Variants in ERBIN observed in about 807,000 individuals in gnomAD.
ERBIN encodes the protein erbb2 interacting protein, also known as densin-180-like protein.
In ERBIN, 60 loss-of-function variants were observed where a neutral mutation model predicts 158.4. The observed-to-expected ratio is 0.38, with a 90% CI of 0.31 to 0.47. The LOEUF (loss-of-function observed/expected upper bound fraction) is 0.47, where lower values mean the gene tolerates loss of function less well. Among genes scored for constraint, ERBIN ranks in the 20% least tolerant of loss-of-function variants. The pLI is 0.99. For missense variants in ERBIN, 1,610 were observed against 1,648.0 expected (o/e 0.98, Z 0.40); for synonymous variants, 594 against 557.2 (o/e 1.07, Z -0.93).
At chr5:65,979,361 A>G (rs1355369558) in intron 1 of ERBIN, among the ~76,000 whole-genome samples, 2 of 152,154 alleles carry the variant, frequency 1.3e-5, no homozygotes, top group African/African-American at 4.8e-5. Flanking sequence ...TGGGAGGTTG[A>G]GGCTGCAGTG....
intron 1 of ERBIN, among the ~76,000 whole-genome samples, chr5:65,976,257 T>C (rs1749840388): frequency 6.6e-6 from 1 of 152,206 alleles, no homozygotes; most frequent in Non-Finnish European, 1.5e-5. Flanking sequence ...TTGGATCACT[T>C]GAGGCCAGGA....
chr5:65,977,140 G>A (rs1580222865), intron 1 of ERBIN, among the ~76,000 whole-genome samples: 1 of 149,954 alleles, frequency 6.7e-6, no homozygotes, highest in Admixed American at 6.6e-5. Flanking sequence ...CTGGCCGGGC[G>A]GGGGGCTGAC....
intron 10 of ERBIN, chr5:66,025,196 G>A: frequency 2.7e-6 from 1 of 376,036 alleles, no homozygotes; most frequent in Non-Finnish European, 4.8e-6. Context: ...TAGAAGCAGA[G>A]CTACAACAGT....
chr5:65,962,912 T>C (rs1317584187), intron 1 of ERBIN, among the ~76,000 whole-genome samples: 1 of 152,232 alleles, frequency 6.6e-6, no homozygotes, highest in African/African-American at 2.4e-5. Context: ...TTTTGATTTG[T>C]AATTCTTACA....
intron 6 of ERBIN, 25 bp downstream of exon 6, chr5:66,013,663 G>T (rs771736885): frequency 4.8e-6 from 7 of 1,470,744 alleles, no homozygotes; most frequent in Non-Finnish European, 6.7e-6. Context: ...CTTCTAAAAC[G>T]TTTTATTATT....
chr5:66,001,900 A>G (rs540474908), intron 4 of ERBIN, among the ~76,000 whole-genome samples: 2 of 152,210 alleles, frequency 1.3e-5, no homozygotes, highest in African/African-American at 4.8e-5. Context: ...GCACCTATCA[A>G]CCCGTCATCT....
chr5:65,939,304 G>A (rs953241417), intron 1 of ERBIN, among the ~76,000 whole-genome samples: 1 of 152,128 alleles, frequency 6.6e-6, no homozygotes, highest in Non-Finnish European at 1.5e-5. Context: ...GAGTGTGGTG[G>A]CGTGTGCCTG....
intron 1 of ERBIN, among the ~76,000 whole-genome samples, chr5:65,932,491 A>G (rs193018982): frequency 7.9e-5 from 12 of 152,300 alleles, no homozygotes; most frequent in African/African-American, 2.9e-4. Context: ...GAAAAGGGAA[A>G]AATGACATTT....
rs3900823 is a variant in ERBIN at position 65,980,878 on chromosome 5, C to T, written c.-57-7757C>T. ...ATAGTTAAGAGATGCCTATACTTTT[C>T]GATAACTTACAGAAAAAGCCATAAA... is the stretch of plus-strand genomic sequence containing the variant. On this transcript the variant is annotated intron_variant, in intron 1 of 25. Transcript: ENST00000284037. Among the ~76,000 whole-genome samples, 6 of 152,208 alleles carry T rather than the reference C, an allele frequency of 3.9e-5. No individual in the cohort carries two copies. In the South Asian group the frequency reaches 8.3e-4, roughly 21 times the overall value.
At chr5:66,072,828 TTTC>T (rs1465315491) in intron 22 of ERBIN, among the ~76,000 whole-genome samples, 1 of 152,178 alleles carries the variant, frequency 6.6e-6, no homozygotes, top group African/African-American at 2.4e-5. Context: ...TCAACTATTT[TTTC>T]TTATTTTCTT....
intron 22 of ERBIN, among the ~76,000 whole-genome samples, chr5:66,073,033 G>A (rs1032551159): frequency 3.3e-5 from 5 of 152,004 alleles, no homozygotes; most frequent in African/African-American, 1.2e-4. Context: ...TTTTAATTGA[G>A]CTTTGTCATC....
intron 4 of ERBIN, among the ~76,000 whole-genome samples, chr5:65,997,432 C>G (rs1414663240): frequency 6.6e-6 from 1 of 151,962 alleles, no homozygotes; most frequent in South Asian, 2.1e-4. Flanking sequence ...GCCAGGTAGT[C>G]TTGTTTAGTA....
In ERBIN at chr5:66,014,724, A is replaced by G. The variant is rs1295148511; in HGVS notation, c.532A>G (p.Lys178Glu). The G allele has an allele frequency of 1.4e-6, 2 of 1,416,400 alleles. No homozygotes were observed. The highest frequency in any genetic ancestry group is 1.9e-6 in the Non-Finnish European group (2 of 1,043,878). The allele number at this position is 1,416,400 out of a possible 1,614,324, so 87.7% of individuals were successfully genotyped here. ...AGAAAACCAGTTAAAAATGTTGCCTAAGTAAGTAAAGGTGCTATTCTTTAA... is the reference window on the plus strand; with the variant it reads ...AGAAAACCAGTTAAAAATGTTGCCTGAGTAAGTAAAGGTGCTATTCTTTAA... ...LRENQLKMLPKTMNRLTQLER... is the reference protein window; with the variant it reads ...LRENQLKMLPETMNRLTQLER... The change falls in exon 7 of 26, where the codon AAA becomes GAA. Residue 178 changes from lysine to glutamate, a missense_variant and splice_region_variant. This residue lies in a region of ERBIN where 596 missense variants were observed against 711.9 expected (regional missense o/e 0.84). Transcript: ENST00000284037.
At chr5:66,011,328 G>A (rs1475629948) in intron 4 of ERBIN, among the ~76,000 whole-genome samples, 15 of 152,150 alleles carry the variant, frequency 9.9e-5, no homozygotes, top group Non-Finnish European at 1.5e-5. Flanking sequence ...TCTTCTATCT[G>A]CAGCTTTATT....
intron 1 of ERBIN, among the ~76,000 whole-genome samples, chr5:65,957,087 A>G (rs1424938838): frequency 6.6e-6 from 1 of 152,098 alleles, no homozygotes; most frequent in African/African-American, 2.4e-5. Context: ...ACCCTCTCCC[A>G]TTATTTTTTG....
chr5:65,930,860 A>G (rs985996402), intron 1 of ERBIN, among the ~76,000 whole-genome samples: 4 of 152,204 alleles, frequency 2.6e-5, no homozygotes, highest in Non-Finnish European at 4.4e-5. Context: ...CAGAATCCCT[A>G]AAATTTTGAA....
At chr5:65,981,504 G>A (rs373231707) in intron 1 of ERBIN, among the ~76,000 whole-genome samples, 13 of 152,180 alleles carry the variant, frequency 8.5e-5, no homozygotes, top group African/African-American at 3.1e-4. Context: ...TAGGCCTCTA[G>A]CAAGATTGAC....
At chr5:65,945,605 G>A (rs1745643745) in intron 1 of ERBIN, among the ~76,000 whole-genome samples, 1 of 152,114 alleles carries the variant, frequency 6.6e-6, no homozygotes, top group Non-Finnish European at 1.5e-5. Flanking sequence ...CTTAAAAACT[G>A]CTTAGCCATT....
chr5:66,071,276 G>A (rs1017461373), intron 21 of ERBIN, among the ~76,000 whole-genome samples: 1 of 152,110 alleles, frequency 6.6e-6, no homozygotes, highest in African/African-American at 2.4e-5. Flanking sequence ...GACTGAGGTG[G>A]GAGGATTGCT....
Sources: allele counts gnomAD v4.1 joint callset (sites outside exome capture counted in the v4.1 genomes callset), GRCh38; gene constraint gnomAD v4.1.1; regional missense constraint gnomAD v4.1.1; transcripts MANE v1.5; gene names NCBI Gene and HGNC (gene_info 2026-07-23, HGNC 2026-07-21).